The following DACH2 variants were observed in gnomAD, a reference collection of about 807,000 sequenced individuals.
DACH2 encodes the protein dachshund homolog 2.
In DACH2, 17 loss-of-function variants were observed where a neutral mutation model predicts 35.8. That is an observed-to-expected ratio of 0.48 (90% CI 0.33 to 0.71). The LOEUF is 0.71. Ranked by LOEUF, DACH2 falls within the 30% of genes least tolerant of loss-of-function variation. The pLI, the probability that DACH2 is intolerant of heterozygous loss-of-function variation, is 0.02. For missense variants in DACH2, 469 were observed against 472.7 expected (o/e 0.99, Z 0.07); for synonymous variants, 195 against 177.3 (o/e 1.10, Z -0.79).
At chrX:86,244,183 C>A (rs2033229382) in intron 1 of DACH2, among the ~76,000 whole-genome samples, 1 of 111,221 alleles carries the variant, frequency 9.0e-6, no homozygotes, top group Non-Finnish European at 1.9e-5. Flanking sequence ...CATAGCAAAG[C>A]CAATCAAAAA....
At chrX:86,603,500 A>G (rs2039818018) in intron 3 of DACH2, among the ~76,000 whole-genome samples, 2 of 110,541 alleles carry the variant, frequency 1.8e-5, no homozygotes, top group Non-Finnish European at 3.8e-5. Flanking sequence ...TCTCATAAAA[A>G]TCTCATCTAA....
At chrX:86,633,247 T>C (rs1338680565) in intron 3 of DACH2, among the ~76,000 whole-genome samples, 1 of 110,664 alleles carries the variant, frequency 9.0e-6, no homozygotes, top group East Asian at 2.8e-4. Context: ...CAAATAAACA[T>C]AATTAAAAAT....
In DACH2 at chrX:86,651,028, G is replaced by A. The variant is rs1468831162; in HGVS notation, c.641-8G>A. The stretch of plus-strand genomic sequence containing the variant: ...TAAATAAATGGAATGGAATAATTCT[G>A]CTTTTAGGTATAACAGCTGCAGCGA... On this transcript the variant is annotated splice_polypyrimidine_tract_variant and splice_region_variant and intron_variant, in intron 3 of 11. Transcript: ENST00000373125. The A allele has an allele frequency of 1.7e-6, 2 of 1,190,608 alleles. No individual in the cohort carries two copies. Among genetic ancestry groups the A allele is most frequent in the Non-Finnish European group, 2.3e-6 (2 of 885,421 alleles).
intron 7 of DACH2, among the ~76,000 whole-genome samples, chrX:86,787,018 G>A (rs1020604022): frequency 1.8e-5 from 2 of 111,456 alleles, no homozygotes; most frequent in African/African-American, 6.5e-5. Context: ...TGTAAGATGT[G>A]GCTTGCTCCT....
intron 6 of DACH2, among the ~76,000 whole-genome samples, chrX:86,729,698 C>G (rs1039896274): frequency 5.4e-5 from 6 of 111,619 alleles, no homozygotes; most frequent in African/African-American, 2.0e-4. Flanking sequence ...CTCAGGCCAT[C>G]CCCTTGGTGA....
At chrX:86,591,020 G>A (rs1420137308) in intron 3 of DACH2, among the ~76,000 whole-genome samples, 1 of 108,666 alleles carries the variant, frequency 9.2e-6, no homozygotes, top group Non-Finnish European at 1.9e-5. Flanking sequence ...CCCTTCCTGT[G>A]TCCATGTGTT....
At chrX:86,237,573 C>G (rs1035462016) in intron 1 of DACH2, among the ~76,000 whole-genome samples, 2 of 111,612 alleles carry the variant, frequency 1.8e-5, no homozygotes, top group Non-Finnish European at 3.8e-5. Context: ...CGAGTTTTTA[C>G]TTGAGCCCAC....
intron 3 of DACH2, among the ~76,000 whole-genome samples, chrX:86,531,731 C>G (rs1186907873): frequency 2.7e-5 from 3 of 112,655 alleles, no homozygotes; most frequent in Non-Finnish European, 5.6e-5. Flanking sequence ...GACCCCCACA[C>G]AGCATCCCCA....
At chrX:86,206,335 G>A (rs7065552) in intron 1 of DACH2, among the ~76,000 whole-genome samples, 2,370 of 111,303 alleles carry the variant, frequency 0.021, 56 homozygotes, top group African/African-American at 0.071. Context: ...CCTAGTTAGC[G>A]TTCTGTTGGC....
At chrX:86,206,281 G>GA (rs1447327784) in intron 1 of DACH2, among the ~76,000 whole-genome samples, 79 of 102,590 alleles carry the variant, frequency 7.7e-4, no homozygotes, top group South Asian at 3.4e-3. Flanking sequence ...TCCAAAAGGG[G>GA]AAAAAAAAAA....
At chrX:86,334,162 G>A (rs1041101534) in intron 1 of DACH2, among the ~76,000 whole-genome samples, 8 of 111,940 alleles carry the variant, frequency 7.1e-5, no homozygotes, top group Admixed American at 9.5e-5. Flanking sequence ...TCATTGATGG[G>A]CATTTGGGTT....
intron 2 of DACH2, among the ~76,000 whole-genome samples, chrX:86,445,906 T>C (rs1169829106): frequency 9.0e-6 from 1 of 111,569 alleles, no homozygotes; most frequent in Non-Finnish European, 1.9e-5. Flanking sequence ...GTTTCTTTGT[T>C]GGTTTTCTGT....
chrX:86,441,519 ACAC>A (rs1347602604), intron 2 of DACH2, among the ~76,000 whole-genome samples: 6 of 105,517 alleles, frequency 5.7e-5, no homozygotes, highest in Admixed American at 3.1e-4. Context: ...GTGTGTGTAT[ACAC>A]CACATTTTCT....
intron 3 of DACH2, among the ~76,000 whole-genome samples, chrX:86,536,776 G>A (rs903632518): frequency 8.9e-6 from 1 of 111,813 alleles, no homozygotes; most frequent in Non-Finnish European, 1.9e-5. Context: ...TGTATAAAAC[G>A]ATGCTGTAAC....
intron 11 of DACH2, among the ~76,000 whole-genome samples, chrX:86,826,177 T>C (rs1004992893): frequency 1.8e-5 from 2 of 111,377 alleles, no homozygotes; most frequent in African/African-American, 6.5e-5. Flanking sequence ...TTTATCCCCA[T>C]GTGTGAGCAG....
intron 1 of DACH2, among the ~76,000 whole-genome samples, chrX:86,167,500 T>A (rs376177179): frequency 9.0e-6 from 1 of 111,173 alleles, no homozygotes; most frequent in African/African-American, 3.2e-5. Context: ...AACAAATCAA[T>A]TTTTTTGTTT....
chrX:86,431,201 T>A (rs1156401011), intron 2 of DACH2, among the ~76,000 whole-genome samples: 1 of 111,793 alleles, frequency 8.9e-6, no homozygotes, highest in Admixed American at 9.6e-5. Flanking sequence ...TCTTGATGGT[T>A]TATATGACTT....
intron 3 of DACH2, among the ~76,000 whole-genome samples, chrX:86,608,405 T>A (rs144608651): frequency 0.04 from 4,419 of 111,612 alleles, 215 homozygotes; most frequent in African/African-American, 0.14. Flanking sequence ...GACCCAGCCA[T>A]CCCATTACTA....
intron 1 of DACH2, among the ~76,000 whole-genome samples, chrX:86,239,428 C>T (rs147072315): frequency 0.013 from 1,415 of 111,827 alleles, 26 homozygotes; most frequent in African/African-American, 0.044. Flanking sequence ...TATTACTGAC[C>T]TATATCTAAA....
Sources: gnomAD v4.1 joint callset for allele counts (sites outside exome capture counted in the v4.1 genomes callset) on GRCh38, gnomAD v4.1.1 for gene constraint, MANE v1.5 for transcripts, NCBI Gene and HGNC (gene_info 2026-07-23, HGNC 2026-07-21) for gene names.